ZC3HAV1: variants seen among roughly 807,000 people sequenced by gnomAD.
ZC3HAV1 encodes zinc finger CCCH-type antiviral protein 1.
ZC3HAV1 carries 41 observed loss-of-function variants against 86.6 expected under a neutral mutation model. The observed-to-expected ratio is 0.47, with a 90% CI of 0.37 to 0.61. ZC3HAV1 has a LOEUF of 0.61. Among genes scored for constraint, ZC3HAV1 ranks in the 20% least tolerant of loss-of-function variants. ZC3HAV1 has a pLI of 0.00. For missense variants in ZC3HAV1, 964 were observed against 1,141.1 expected (o/e 0.84, Z 2.24); for synonymous variants, 421 against 432.1 (o/e 0.97, Z 0.32).
chr7:139,078,776 AT>A, intron 4 of ZC3HAV1, 123 bp from the exon 5 acceptor site: 1 of 822,072 alleles, frequency 1.2e-6, no homozygotes, highest in South Asian at 2.0e-5. Context: ...AATTCCTATG[AT>A]TTATGTTTTG....
intron 7 of ZC3HAV1, among the ~76,000 whole-genome samples, chr7:139,066,301 G>A (rs923823575): frequency 2.0e-5 from 3 of 152,154 alleles, no homozygotes; most frequent in African/African-American, 7.2e-5. Flanking sequence ...CTTCCCTAGT[G>A]GAAATGCCTG....
rs1366677778 is a variant in ZC3HAV1 at position 139,076,393 on chromosome 7, G to A, written c.1590C>T (p.Val530=). Reference sequence around the variant, plus strand: ...GCCACCGGTAAGGCAGATGGAAGTGGACTTTGCTGCAGCTACCTACAAAGA... The same window carrying A: ...GCCACCGGTAAGGCAGATGGAAGTGAACTTTGCTGCAGCTACCTACAAAGA... ...GCPLNGSCSK[V]HFHLPYRWQM... Residue 530 remains valine, a synonymous_variant, in exon 6 of 13, where the codon GTC becomes GTT. Coordinates refer to ENST00000242351, the MANE Select transcript of ZC3HAV1 (RefSeq NM_020119.4). The A allele has an allele frequency of 6.2e-7, 1 of 1,614,078 alleles. No homozygotes were observed. The highest frequency in any genetic ancestry group is 8.5e-7 in the Non-Finnish European group (1 of 1,179,998).
rs774352815 is a variant in ZC3HAV1 at position 139,100,533 on chromosome 7, C to CAAAAA, written c.308+8486_308+8490dup. 5.6e-3 allele frequency among the ~76,000 whole-genome samples: 814 copies of CAAAAA among 144,390 alleles called. 4 individuals carry two copies. Among genetic ancestry groups the CAAAAA allele is most frequent in the Non-Finnish European group, 8.8e-3 (577 of 65,922 alleles). 94.7% of individuals were successfully genotyped at this position (144,390 alleles called of 152,430 possible). ...TGGGCGACAGACCGAGGCTCTGTCT[C>CAAAAA]AAAAAAAAACAAAAACAAAAACAAA... is the stretch of plus-strand genomic sequence containing the variant. On this transcript the variant is annotated intron_variant, in intron 1 of 12. Transcript: ENST00000242351.
intron 1 of ZC3HAV1, among the ~76,000 whole-genome samples, chr7:139,097,435 T>C (rs1480998425): frequency 1.7e-5 from 2 of 121,050 alleles, no homozygotes; most frequent in African/African-American, 7.1e-5. Flanking sequence ...TATATTTTTT[T>C]TTTTTTTTTT....
chr7:139,073,778 A>C, intron 7 of ZC3HAV1, 78 bp downstream of exon 7: 1 of 1,436,096 alleles, frequency 7.0e-7, no homozygotes, highest in Non-Finnish European at 9.3e-7. Context: ...GGCATGAGCC[A>C]CCGTGCCCAG....
intron 12 of ZC3HAV1, among the ~76,000 whole-genome samples, chr7:139,051,309 C>T (rs949368865): frequency 3.3e-5 from 5 of 152,042 alleles, no homozygotes; most frequent in African/African-American, 4.8e-5. Flanking sequence ...CTGCCTGTCT[C>T]GGTCTCCCAA....
chr7:139,065,687 C>T (rs571681564), intron 7 of ZC3HAV1, among the ~76,000 whole-genome samples: 2 of 151,990 alleles, frequency 1.3e-5, no homozygotes, highest in East Asian at 1.9e-4. Flanking sequence ...AGGTGGATCA[C>T]GAGGTCAAGA....
At chr7:139,097,410 A>T (rs1365422403) in intron 1 of ZC3HAV1, among the ~76,000 whole-genome samples, 1 of 73,122 alleles carries the variant, frequency 1.4e-5, no homozygotes, top group East Asian at 4.7e-4. Flanking sequence ...CCATATATAT[A>T]TATATATATA....
intron 1 of ZC3HAV1, among the ~76,000 whole-genome samples, chr7:139,091,996 T>G (rs531942307): frequency 3.0e-4 from 45 of 152,224 alleles, no homozygotes; most frequent in South Asian, 4.1e-4. Flanking sequence ...GGCTAGATTT[T>G]CTTTTATACT....
chr7:139,090,704 T>C (rs1817405492), intron 1 of ZC3HAV1, among the ~76,000 whole-genome samples: 1 of 152,250 alleles, frequency 6.6e-6, no homozygotes, highest in South Asian at 2.1e-4. Flanking sequence ...TTGAAATTGA[T>C]GAATTTTTGA....
chr7:139,061,061 C>T lies in ZC3HAV1; in HGVS notation c.2071G>A (p.Val691Met), dbSNP rs1321573502. Residue 691 changes from valine (V) to methionine (M), a missense_variant, in exon 9 of 13, where the codon GTG becomes ATG. Coordinates refer to ENST00000242351, the MANE Select transcript of ZC3HAV1 (RefSeq NM_020119.4). ...TCTGGCCCTCTCTTCATCTGCTGCACATACCACTGAGGCACAAATGTTGGT... is the reference window on the plus strand; with the variant it reads ...TCTGGCCCTCTCTTCATCTGCTGCATATACCACTGAGGCACAAATGTTGGT... The part of the protein sequence containing the change: ...RRPTFVPQWY[V>M]QQMKRGPDHQ... The T allele has an allele frequency of 1.9e-6, 3 of 1,613,780 alleles. No homozygotes were observed. In the South Asian group the frequency reaches 3.3e-5, roughly 18 times the overall value.
Position 139,078,571 on chromosome 7 carries a change from A to C in ZC3HAV1, c.1554T>G (p.Cys518Trp). ...DSEEICLDHL[C>W]KGCPLNGSCS... ...ACTCACCATTAAGCGGACAACCCTTACACAGATGGTCAAGACAAATTTCCT... is the reference window on the plus strand; with the variant it reads ...ACTCACCATTAAGCGGACAACCCTTCCACAGATGGTCAAGACAAATTTCCT... The change falls in exon 5 of 13, where the codon TGT becomes TGG. Residue 518 changes from cysteine to tryptophan, a missense_variant. Coordinates refer to ENST00000242351, the MANE Select transcript of ZC3HAV1 (RefSeq NM_020119.4). The C allele has an allele frequency of 2.5e-6, 4 of 1,595,208 alleles. No homozygotes were observed. Among genetic ancestry groups the C allele is most frequent in the African/African-American group, 1.4e-5 (1 of 73,776 alleles).
chr7:139,049,299 C>T (rs577532501), intron 12 of ZC3HAV1, among the ~76,000 whole-genome samples: 29 of 152,034 alleles, frequency 1.9e-4, no homozygotes, highest in African/African-American at 7.0e-4. Context: ...GAGGCAACAG[C>T]TCATTGTGGT....
intron 7 of ZC3HAV1, among the ~76,000 whole-genome samples, chr7:139,070,366 T>C (rs1269096588): frequency 6.6e-6 from 1 of 152,108 alleles, no homozygotes; most frequent in Admixed American, 6.6e-5. Context: ...GAGAACTTTG[T>C]ATTAAAAACC....
chr7:139,101,492 A>AG (rs1817767469), intron 1 of ZC3HAV1, among the ~76,000 whole-genome samples: 1 of 39,032 alleles, frequency 2.6e-5, no homozygotes, highest in South Asian at 9.0e-4. Flanking sequence ...CAGCCCGGCC[A>AG]CCACCCCGTC....
rs1179761997 is a variant in ZC3HAV1 at position 139,044,806 on chromosome 7, C to T, written c.*2788G>A. 1.3e-5 allele frequency: 2 copies of T among 152,446 alleles called. No homozygotes were observed. The highest frequency in any genetic ancestry group is 4.8e-5 in the African/African-American group (2 of 41,374). The allele number at this position is 152,446 out of a possible 1,614,324, so 9.4% of individuals were successfully genotyped here. A position where few individuals can be genotyped will look rare whatever the true frequency, so the allele number is the denominator to read the frequency against. On this transcript the variant is annotated 3_prime_UTR_variant, in exon 13 of 13. Transcript: ENST00000242351. The stretch of plus-strand genomic sequence containing the variant: ...TATAGCTCGTCTGCAAGAATATATC[C>T]TCATTTTCTCCACTTCGACAACTGT...
chr7:139,047,700 A>T lies in ZC3HAV1; in HGVS notation c.2603T>A (p.Val868Glu). ...AACGGAGGGATTCGATCTGGTATCC[A>T]CACAGCTGTCGAACTGTGGAGGAGG... ...TSPPPQFDSC[V>E]DTRSNPSVFV... is the part of the protein sequence containing the mutation. Residue 868 changes from valine to glutamate, a missense_variant, in exon 13 of 13, where the codon GTG becomes GAG. Transcript: ENST00000242351. 1.2e-6 allele frequency: 2 copies of T among 1,614,138 alleles called. No individual in the cohort carries two copies. The highest frequency in any genetic ancestry group is 1.7e-6 in the Non-Finnish European group (2 of 1,180,032).
At chr7:139,091,096 A>C (rs1378472492) in intron 1 of ZC3HAV1, among the ~76,000 whole-genome samples, 1 of 152,166 alleles carries the variant, frequency 6.6e-6, no homozygotes, top group East Asian at 1.9e-4. Flanking sequence ...GGTTTCAGAT[A>C]ACCAGTCCCC....
chr7:139,097,433 T>TATTTTATTTA (rs1817635542), intron 1 of ZC3HAV1, among the ~76,000 whole-genome samples: 1 of 118,946 alleles, frequency 8.4e-6, no homozygotes, highest in African/African-American at 3.6e-5. Flanking sequence ...TATATATTTT[T>TATTTTATTTA]TTTTTTTTTT....
Sources: gnomAD v4.1 joint callset for allele counts (sites outside exome capture counted in the v4.1 genomes callset) on GRCh38, gnomAD v4.1.1 for gene constraint, MANE v1.5 for transcripts, NCBI Gene and HGNC (gene_info 2026-07-23, HGNC 2026-07-21) for gene names.